FSTL4: variants seen among roughly 807,000 people sequenced by gnomAD.
The protein encoded by FSTL4 is follistatin like 4.
Under a neutral mutation model 78.2 loss-of-function variants are expected in FSTL4, and 28 were observed. That is an observed-to-expected ratio of 0.36 (90% CI 0.27 to 0.49). The LOEUF is 0.49. Ranked by LOEUF, FSTL4 falls within the 20% of genes least tolerant of loss-of-function variation. The pLI is 0.98. For synonymous variants in FSTL4, 422 were observed against 440.5 expected (o/e 0.96, Z 0.53); for missense variants, 922 against 1,084.9 (o/e 0.85, Z 2.11).
chr5:133,420,147 G>C (rs1756662523), intron 3 of FSTL4, among the ~76,000 whole-genome samples: 1 of 152,132 alleles, frequency 6.6e-6, no homozygotes, highest in Non-Finnish European at 1.5e-5. Context: ...AGTCAAAGAA[G>C]CCACAAAGTT....
chr5:133,221,203 G>A (rs138067694), intron 11 of FSTL4, among the ~76,000 whole-genome samples: 1 of 152,306 alleles, frequency 6.6e-6, no homozygotes, highest in Non-Finnish European at 1.5e-5. Flanking sequence ...TCCCTTGATT[G>A]TTTATAATAT....
intron 3 of FSTL4, among the ~76,000 whole-genome samples, chr5:133,436,614 C>T (rs1202007563): frequency 6.6e-6 from 1 of 152,070 alleles, no homozygotes; most frequent in Non-Finnish European, 1.5e-5. Context: ...GCAGATGATT[C>T]GTATCTCTTC....
At chr5:133,260,704 A>G (rs1752499564) in intron 6 of FSTL4, among the ~76,000 whole-genome samples, 1 of 152,224 alleles carries the variant, frequency 6.6e-6, no homozygotes, top group African/African-American at 2.4e-5. Context: ...TTCAGGGCTC[A>G]CCTGAGAAGC....
chr5:133,433,292 T>C (rs1175362669), intron 3 of FSTL4, among the ~76,000 whole-genome samples: 3 of 152,182 alleles, frequency 2.0e-5, no homozygotes, highest in Admixed American at 2.0e-4. Context: ...CACCTGCCTG[T>C]CCATATTAGT....
chr5:133,311,283 G>A (rs1328607335), intron 6 of FSTL4, among the ~76,000 whole-genome samples: 1 of 152,140 alleles, frequency 6.6e-6, no homozygotes, highest in Non-Finnish European at 1.5e-5. Context: ...AAGCCTACCA[G>A]TCACTCTCAC....
intron 4 of FSTL4, among the ~76,000 whole-genome samples, chr5:133,329,066 G>A (rs911755259): frequency 4.6e-5 from 7 of 152,166 alleles, no homozygotes; most frequent in South Asian, 2.1e-4. Flanking sequence ...CGCTTCCTCC[G>A]CGAGTGATCA....
In FSTL4 at chr5:133,382,034, TC is replaced by T. The variant is rs563209430; in HGVS notation, c.409+18703del. Among the ~76,000 whole-genome samples, 399 of 152,298 alleles carry T rather than the reference TC, an allele frequency of 2.6e-3. 2 individuals are homozygous for T. Among genetic ancestry groups the T allele is most frequent in the Non-Finnish European group, 4.3e-3 (292 of 68,012 alleles). ...CTTGGGGTTTTACTCCCTCTTCACA[TC>T]CCCTTCCCCATCCTGCACTTCCTCC... On this transcript the variant is annotated intron_variant, in intron 4 of 15. Transcript: ENST00000265342.
chr5:133,330,952 C>T (rs891948801), intron 4 of FSTL4, among the ~76,000 whole-genome samples: 6 of 152,174 alleles, frequency 3.9e-5, no homozygotes, highest in South Asian at 2.1e-4. Context: ...TGTGGACACA[C>T]GTGCACCTGT....
At chr5:133,237,245 C>T (rs1384202917) in intron 7 of FSTL4, among the ~76,000 whole-genome samples, 1 of 152,146 alleles carries the variant, frequency 6.6e-6, no homozygotes, top group Non-Finnish European at 1.5e-5. Flanking sequence ...TTTTGCACTC[C>T]TCAGGCTGGG....
the FSTL4 span, among the ~76,000 whole-genome samples, chr5:133,841,718 A>G: frequency 6.6e-6 from 1 of 152,224 alleles, no homozygotes; most frequent in Non-Finnish European, 1.5e-5. Context: ...GCCCCAGCTG[A>G]TGATGCTCCA....
chr5:133,473,846 A>G (rs1757875227), intron 3 of FSTL4, among the ~76,000 whole-genome samples: 1 of 152,144 alleles, frequency 6.6e-6, no homozygotes, highest in Admixed American at 6.5e-5. Flanking sequence ...TGAAGAGGAG[A>G]AAAGCTCCTT....
chr5:133,704,921 G>A, the FSTL4 span, among the ~76,000 whole-genome samples: 3 of 152,238 alleles, frequency 2.0e-5, no homozygotes, highest in Non-Finnish European at 4.4e-5. Flanking sequence ...ACATGAAAAC[G>A]CATTTGCCTG....
chr5:133,506,939 C>T lies in FSTL4; in HGVS notation c.160+60247G>A, dbSNP rs182282571. On this transcript the variant is annotated intron_variant, in intron 3 of 15. Coordinates refer to ENST00000265342, the MANE Select transcript of FSTL4 (RefSeq NM_015082.2). ...TAAAAAGCAGGCAATAGGCCAGGCG[C>T]GGTGGCTCAGGCCTGTAATCCTACC... Among the ~76,000 whole-genome samples the T allele has an allele frequency of 5.1e-3, 780 of 152,308 alleles. 6 individuals are homozygous for T. The highest frequency in any genetic ancestry group is 0.017 in the African/African-American group (700 of 41,560).
chr5:133,621,015 A>C, the FSTL4 span, among the ~76,000 whole-genome samples: 1 of 152,220 alleles, frequency 6.6e-6, no homozygotes, highest in African/African-American at 2.4e-5. Flanking sequence ...AAATCGTGGA[A>C]CCAACCCAAA....
At chr5:133,733,326 G>A in the FSTL4 span, among the ~76,000 whole-genome samples, 2,822 of 152,200 alleles carry the variant, frequency 0.019, 93 homozygotes, top group African/African-American at 0.065. Context: ...AATGTTGCCC[G>A]ACCATCTGAA....
At chr5:133,786,577 G>A in the FSTL4 span, among the ~76,000 whole-genome samples, 1 of 152,216 alleles carries the variant, frequency 6.6e-6, no homozygotes, top group East Asian at 1.9e-4. Flanking sequence ...GGCCCGATCG[G>A]TCAAACAAGT....
the FSTL4 span, among the ~76,000 whole-genome samples, chr5:133,719,905 T>C: frequency 6.6e-6 from 1 of 152,206 alleles, no homozygotes; most frequent in Non-Finnish European, 1.5e-5. Context: ...GTCTTCTGAC[T>C]CTAAAGCTAT....
At chr5:133,723,716 A>G in the FSTL4 span, among the ~76,000 whole-genome samples, 15 of 152,136 alleles carry the variant, frequency 9.9e-5, no homozygotes, top group African/African-American at 3.6e-4. Context: ...GCCCCCAGGG[A>G]GTGTGGCTAC....
At chr5:133,415,231 A>G (rs566540581) in intron 3 of FSTL4, among the ~76,000 whole-genome samples, 3 of 152,196 alleles carry the variant, frequency 2.0e-5, no homozygotes, top group Non-Finnish European at 2.9e-5. Context: ...TCTCTCATCT[A>G]TGTTGGTCAG....
Sources: gnomAD v4.1 joint callset for allele counts (sites outside exome capture counted in the v4.1 genomes callset) on GRCh38, gnomAD v4.1.1 for gene constraint, MANE v1.5 for transcripts, NCBI Gene and HGNC (gene_info 2026-07-23, HGNC 2026-07-21) for gene names.